The following IFT80 variants were observed in gnomAD, a reference collection of about 807,000 sequenced individuals.
IFT80 encodes the protein intraflagellar transport protein 80 homolog.
In IFT80, 79 loss-of-function variants were observed where a neutral mutation model predicts 107.9. The ratio of observed to expected loss-of-function variants is 0.73; its 90% confidence interval spans 0.61 to 0.88. The LOEUF (loss-of-function observed/expected upper bound fraction) is 0.88, where lower values mean the gene tolerates loss of function less well. Among genes scored for constraint, IFT80 ranks in the 40% least tolerant of loss-of-function variants. The pLI is 0.00. For synonymous variants in IFT80, 299 were observed against 300.9 expected, an observed-to-expected ratio of 0.99 and a Z score of 0.07; for missense variants, 797 against 914.2, an observed-to-expected ratio of 0.87 and a Z score of 1.65.
chr3:160,321,070 G>A (rs1718177397), intron 8 of IFT80, among the ~76,000 whole-genome samples: 1 of 151,690 alleles, frequency 6.6e-6, no homozygotes. Context: ...AGTTACCAAG[G>A]AGAAGATAAT....
chr3:160,257,130 G>GT lies in IFT80; in HGVS notation c.*1394dup, dbSNP rs2108187343. The GT allele has an allele frequency of 6.6e-6, 1 of 152,176 alleles. No individual in the cohort carries two copies. Among genetic ancestry groups the GT allele is most frequent in the South Asian group, 2.1e-4 (1 of 4,820 alleles). 9.4% of individuals were successfully genotyped at this position (152,176 alleles called of 1,614,324 possible). A position where few individuals can be genotyped will look rare whatever the true frequency, so the allele number is the denominator to read the frequency against. Reference sequence around the variant, plus strand: ...AGGAAACACATACACAGTACAACTTGTAAGTACACTGCTCAATCAGATTTC... The same window carrying GT: ...AGGAAACACATACACAGTACAACTTGTTAAGTACACTGCTCAATCAGATTTC... On this transcript the variant is annotated 3_prime_UTR_variant, in exon 20 of 20. Transcript: ENST00000326448.
rs149047094 is a variant in IFT80, at chr3:160,304,505, G to A, written c.1077-516C>T. Among the ~76,000 whole-genome samples, 20 of 145,588 alleles carry A rather than the reference G, an allele frequency of 1.4e-4. 1 individual carries two copies. The East Asian group carries it at 2.2e-3, about 16-fold the overall frequency. ...GGCTGGAGTCCAGTGGCACAATCTCGGCTCACTGCAAGCTCCTCTTCCCAG... is the reference window on the plus strand; with the variant it reads ...GGCTGGAGTCCAGTGGCACAATCTCAGCTCACTGCAAGCTCCTCTTCCCAG... On this transcript the variant is annotated intron_variant, in intron 10 of 19. Transcript: ENST00000326448.
rs202049804 is a variant in IFT80, at chr3:160,289,129, T to TA, written c.1316-3262dup. Among the ~76,000 whole-genome samples the TA allele has an allele frequency of 7.6e-3, 1,154 of 152,076 alleles. 20 individuals carry two copies. Among genetic ancestry groups the TA allele is most frequent in the African/African-American group, 0.027 (1,106 of 41,492 alleles). On this transcript the variant is annotated intron_variant, in intron 12 of 19. Coordinates refer to ENST00000326448, the MANE Select transcript of IFT80 (RefSeq NM_020800.3). ...TAGACTATGGAATACTGTGCAGCCA[T>TA]AAAAAAAATGAGATCATGTTCTTTG... is the stretch of plus-strand genomic sequence containing the variant.
intron 8 of IFT80, among the ~76,000 whole-genome samples, chr3:160,337,962 A>G (rs945119001): frequency 6.6e-6 from 1 of 152,074 alleles, no homozygotes; most frequent in African/African-American, 2.4e-5. Flanking sequence ...TATTTCTTCT[A>G]TTCGTTGCTT....
chr3:160,267,416 T>C (rs1713425249), intron 19 of IFT80, among the ~76,000 whole-genome samples: 1 of 152,208 alleles, frequency 6.6e-6, no homozygotes, highest in East Asian at 1.9e-4. Flanking sequence ...TAAGAGGCTG[T>C]ATCTGATTTT....
chr3:160,361,887 G>A lies in IFT80; in HGVS notation c.549+4156C>T, dbSNP rs546981814. On this transcript the variant is annotated intron_variant, in intron 6 of 19. Transcript: ENST00000326448. ...GACACATTTAAAGCAGTGTGTAGAG[G>A]GAAATTTATAGCACTAAATGCCCAC... Among the ~76,000 whole-genome samples the A allele has an allele frequency of 1.3e-4, 20 of 152,238 alleles. 1 individual carries two copies. In the East Asian group the frequency reaches 3.7e-3, roughly 28 times the overall value.
chr3:160,327,025 CCAA>C (rs1338420123), intron 8 of IFT80, among the ~76,000 whole-genome samples: 3 of 152,126 alleles, frequency 2.0e-5, no homozygotes, highest in Non-Finnish European at 2.9e-5. Flanking sequence ...TTCCTATACA[CCAA>C]CAACAGACAA....
intron 11 of IFT80, among the ~76,000 whole-genome samples, chr3:160,302,400 T>C (rs2108269205): frequency 6.6e-6 from 1 of 152,172 alleles, no homozygotes; most frequent in Non-Finnish European, 1.5e-5. Flanking sequence ...AAAACAATAT[T>C]TGCTAAACTT....
chr3:160,320,853 C>CCA (rs1042746071), intron 8 of IFT80, among the ~76,000 whole-genome samples: 4 of 151,632 alleles, frequency 2.6e-5, no homozygotes, highest in Non-Finnish European at 5.9e-5. Context: ...GACAACAAAT[C>CCA]TAGGGGAATG....
intron 1 of IFT80, among the ~76,000 whole-genome samples, chr3:160,396,029 A>G (rs943890983): frequency 3.3e-5 from 5 of 152,064 alleles, no homozygotes. Context: ...AGTTATTCTT[A>G]CAGCACTACC....
At chr3:160,291,422 T>C (rs1715541938) in intron 12 of IFT80, among the ~76,000 whole-genome samples, 1 of 152,244 alleles carries the variant, frequency 6.6e-6, no homozygotes, top group Non-Finnish European at 1.5e-5. Context: ...AGTGTATTCA[T>C]GAGTCTACCT....
At chr3:160,275,795 T>G (rs1293192934) in intron 18 of IFT80, among the ~76,000 whole-genome samples, 1 of 151,192 alleles carries the variant, frequency 6.6e-6, no homozygotes, top group Non-Finnish European at 1.5e-5. Flanking sequence ...ATGATACATA[T>G]AATTTTCTAT....
intron 5 of IFT80, among the ~76,000 whole-genome samples, chr3:160,367,084 T>C (rs79134302): frequency 1.9e-3 from 292 of 152,204 alleles, no homozygotes; most frequent in African/African-American, 6.8e-3. Flanking sequence ...TACAGTTCCA[T>C]CCATGTTGTA....
chr3:160,264,677 T>G (rs1713147809), intron 19 of IFT80, among the ~76,000 whole-genome samples: 1 of 150,440 alleles, frequency 6.6e-6, no homozygotes, highest in Non-Finnish European at 1.5e-5. Flanking sequence ...TAGACTCAAG[T>G]GATCCTCCCA....
intron 1 of IFT80, among the ~76,000 whole-genome samples, chr3:160,394,494 C>T (rs562513905): frequency 2.0e-5 from 3 of 152,092 alleles, no homozygotes; most frequent in Admixed American, 6.6e-5. Flanking sequence ...TATGCATTTG[C>T]GAAAGTGTAT....
intron 18 of IFT80, among the ~76,000 whole-genome samples, chr3:160,270,677 G>T (rs879657992): frequency 3.3e-5 from 5 of 152,128 alleles, no homozygotes; most frequent in Non-Finnish European, 7.4e-5. Flanking sequence ...ATTCACGGAG[G>T]CTCAAAAAAG....
chr3:160,346,829 T>G (rs1364325907), intron 8 of IFT80, among the ~76,000 whole-genome samples: 2 of 152,150 alleles, frequency 1.3e-5, no homozygotes, highest in Non-Finnish European at 2.9e-5. Context: ...CAACTCTACT[T>G]TAGCTTTCAC....
At position 160,355,966 on chromosome 3, in the gene IFT80, C is replaced by CCACATTT; in HGVS notation, c.777+40_777+46dup. ...TGAGAACCATGTGTGTTGTGCATTA[C>CCACATTT]CACATTTATGACAGCACATCTGTGA... On this transcript the variant is annotated intron_variant, in intron 8 of 19. Transcript: ENST00000326448. 1.9e-6 allele frequency: 3 copies of CCACATTT among 1,603,966 alleles called. 1 individual carries two copies. Among genetic ancestry groups the CCACATTT allele is most frequent in the Non-Finnish European group, 2.6e-6 (3 of 1,171,172 alleles).
At chr3:160,390,103 A>G (rs975051218) in intron 1 of IFT80, among the ~76,000 whole-genome samples, 1 of 152,166 alleles carries the variant, frequency 6.6e-6, no homozygotes, top group Non-Finnish European at 1.5e-5. Context: ...AATAGCTTCT[A>G]CTTGAGAGAT....
Sources: allele counts gnomAD v4.1 joint callset (sites outside exome capture counted in the v4.1 genomes callset), GRCh38; gene constraint gnomAD v4.1.1; transcripts MANE v1.5; gene names NCBI Gene and HGNC (gene_info 2026-07-23, HGNC 2026-07-21).